Variants in CTSC observed in about 807,000 individuals in gnomAD.
CTSC encodes the protein dipeptidyl peptidase 1.
In CTSC, 37 loss-of-function variants were observed where a neutral mutation model predicts 40.9. That is an observed-to-expected ratio of 0.91 (90% confidence interval 0.70 to 1.19). The LOEUF is 1.19. CTSC is among the 50% of genes most tolerant of loss of function. The pLI, the probability that CTSC is intolerant of heterozygous loss-of-function variation, is 0.00. For missense variants in CTSC, 594 were observed against 567.3 expected, an observed-to-expected ratio of 1.05 and a Z score of -0.48; for synonymous variants, 232 against 207.4, an observed-to-expected ratio of 1.12 and a Z score of -1.02.
At chr11:88,325,202 T>A in intron 2 of CTSC, 1 of 985,054 alleles carries the variant, frequency 1.0e-6, no homozygotes, top group Non-Finnish European at 1.2e-6. Flanking sequence ...TAAATTTGAC[T>A]ATGACACTTA....
chr11:88,318,488 G>A (rs918842152), intron 2 of CTSC, among the ~76,000 whole-genome samples: 12 of 152,192 alleles, frequency 7.9e-5, no homozygotes, highest in Non-Finnish European at 1.6e-4. Context: ...TGCCTTCATA[G>A]AACTTATATT....
intron 2 of CTSC, among the ~76,000 whole-genome samples, chr11:88,331,066 G>C (rs2134820445): frequency 6.6e-6 from 1 of 152,296 alleles, no homozygotes; most frequent in East Asian, 1.9e-4. Context: ...TACTCAACGT[G>C]CTTTTTCCTA....
chr11:88,309,245 C>T lies in CTSC; in HGVS notation c.559G>A (p.Ala187Thr), dbSNP rs759399845. ...GTCTCATATTCCATGTATGTAGTTG[C>T]AGTCCAAGACTTCTGAATGGCATTG... The part of the protein sequence containing the change: ...AINAIQKSWT[A>T]TTYMEYETLT... Residue 187 changes from alanine to threonine, a missense_variant, in exon 4 of 7, where the codon GCA becomes ACA. Ala to Thr is a moderately conservative substitution (Grantham distance 58). Coordinates refer to ENST00000227266, the MANE Select transcript of CTSC (RefSeq NM_001814.6). The T allele has an allele frequency of 3.7e-6, 6 of 1,613,550 alleles. No homozygotes were observed. Among genetic ancestry groups the T allele is most frequent in the Non-Finnish European group, 5.1e-6 (6 of 1,179,482 alleles).
chr11:88,303,857 A>G (rs946121992), intron 4 of CTSC, among the ~76,000 whole-genome samples: 2 of 152,152 alleles, frequency 1.3e-5, no homozygotes, highest in Non-Finnish European at 2.9e-5. Flanking sequence ...AAGATCAGAA[A>G]GGCAGGAGAA....
At chr11:88,331,977 T>C (rs1245394581) in intron 2 of CTSC, among the ~76,000 whole-genome samples, 1 of 152,174 alleles carries the variant, frequency 6.6e-6, no homozygotes, top group African/African-American at 2.4e-5. Flanking sequence ...ACTCTGCATG[T>C]ACCAACTACT....
chr11:88,294,129 C>T lies in CTSC; in HGVS notation c.1269G>A (p.Trp423Ter). The part of the protein sequence containing the change: ...GTDSASGMDY[W>*]IVKNSWGTGW... Reference sequence around the variant, plus strand: ...CGGTGCCCCAGCTGTTTTTAACAATCCAGTAATCCATCCCAGAGGCTGAGT... The same window carrying T: ...CGGTGCCCCAGCTGTTTTTAACAATTCAGTAATCCATCCCAGAGGCTGAGT... Residue 423 changes from tryptophan to a stop codon, truncating the protein, a stop_gained, in exon 7 of 7, where the codon TGG becomes TGA. Coordinates refer to ENST00000227266, the MANE Select transcript of CTSC (RefSeq NM_001814.6). LOFTEE classifies it high-confidence loss of function. The T allele has an allele frequency of 6.2e-7, 1 of 1,613,912 alleles. No homozygotes were observed. The highest frequency in any genetic ancestry group is 8.5e-7 in the Non-Finnish European group (1 of 1,180,004).
chr11:88,320,769 G>GT, intron 2 of CTSC: 1 of 952,308 alleles, frequency 1.1e-6, no homozygotes, highest in Non-Finnish European at 1.3e-6. Context: ...GGACACAAAG[G>GT]TAACACTTCA....
intron 3 of CTSC, among the ~76,000 whole-genome samples, chr11:88,310,062 CG>C (rs1429641637): frequency 6.6e-6 from 1 of 152,030 alleles, no homozygotes; most frequent in African/African-American, 2.4e-5. Flanking sequence ...TATGGACATT[CG>C]GTTTATACTT....
chr11:88,312,330 C>G (rs769481370), intron 3 of CTSC, 58 bp downstream of exon 3: 7 of 1,533,946 alleles, frequency 4.6e-6, no homozygotes, highest in African/African-American at 1.4e-5. Flanking sequence ...AATGTACACA[C>G]ATATTCATAT....
intron 6 of CTSC, among the ~76,000 whole-genome samples, chr11:88,295,511 C>T (rs1401954207): frequency 1.3e-5 from 2 of 151,952 alleles, no homozygotes; most frequent in Non-Finnish European, 2.9e-5. Flanking sequence ...TCCTGAATAG[C>T]TGGGACTACA....
At chr11:88,324,807 G>A in intron 2 of CTSC, 1 of 985,264 alleles carries the variant, frequency 1.0e-6, no homozygotes, top group Non-Finnish European at 1.2e-6. Context: ...GGTCCTGAGT[G>A]ATAAAGAATT....
chr11:88,331,334 A>G (rs1252777774), intron 2 of CTSC, among the ~76,000 whole-genome samples: 2 of 152,190 alleles, frequency 1.3e-5, no homozygotes, highest in Non-Finnish European at 2.9e-5. Flanking sequence ...CTGGCTTCAA[A>G]TTGGGGTTCC....
chr11:88,337,218 TCAAAG>T (rs1291183298), intron 1 of CTSC, among the ~76,000 whole-genome samples: 1 of 152,194 alleles, frequency 6.6e-6, no homozygotes, highest in Non-Finnish European at 1.5e-5. Context: ...CAAGTCTCTC[TCAAAG>T]CAAACAAAAT....
chr11:88,325,899 T>C (rs891381975), intron 2 of CTSC: 2 of 988,778 alleles, frequency 2.0e-6, no homozygotes, highest in African/African-American at 1.7e-5. Flanking sequence ...AAGGGCCTTA[T>C]TTTCTCCTTA....
At chr11:88,334,713 T>C in intron 2 of CTSC, 1 of 507,058 alleles carries the variant, frequency 2.0e-6, no homozygotes, top group Non-Finnish European at 3.5e-6. Context: ...TTAAACATAA[T>C]TTATACATAT....
At position 88,308,492 on chromosome 11, in the gene CTSC, T is replaced by C. The variant is rs78456810; in HGVS notation, c.641+671A>G. Among the ~76,000 whole-genome samples, 30 of 133,910 alleles carry C rather than the reference T, an allele frequency of 2.2e-4. 1 individual carries two copies. The South Asian group carries it at 7.5e-3, about 33-fold the overall frequency. The allele number at this position is 133,910 out of a possible 152,430, so 87.9% of individuals were successfully genotyped here. A position where few individuals can be genotyped will look rare whatever the true frequency, so the allele number is the denominator to read the frequency against. On this transcript the variant is annotated intron_variant, in intron 4 of 6. Transcript: ENST00000227266. ...TATTTATTATTTTATTTTATTTTAT[T>C]TTATCTTACCTTATCTTATTTTATT...
intron 4 of CTSC, among the ~76,000 whole-genome samples, chr11:88,306,718 A>T (rs942763275): frequency 6.6e-6 from 1 of 152,216 alleles, no homozygotes; most frequent in Non-Finnish European, 1.5e-5. Flanking sequence ...CTTCCAGCCC[A>T]CGTGTGATCC....
rs959630782 is a variant in CTSC at position 88,328,159 on chromosome 11, A to G, written c.318+6778T>C. 5.6e-6 allele frequency: 9 copies of G among 1,613,638 alleles called. No homozygotes were observed. In the Admixed American group the frequency reaches 8.3e-5, roughly 15 times the overall value. On this transcript the variant is annotated intron_variant, in intron 2 of 6. Transcript: ENST00000227266. ...CAAATCATATATCCCCACAGTTCCC[A>G]GCTGCATGAACAAATGACTGATAAA... is the stretch of plus-strand genomic sequence containing the variant.
chr11:88,302,218 G>A lies in CTSC; in HGVS notation c.642-1573C>T, dbSNP rs374381620. The stretch of plus-strand genomic sequence containing the variant: ...GTGGTTACCAGATGTTTTTTACTAG[G>A]CTAAAATTTAGTCAATGGCAAAGAT... On this transcript the variant is annotated intron_variant, in intron 4 of 6. Transcript: ENST00000227266. Among the ~76,000 whole-genome samples the A allele has an allele frequency of 1.4e-4, 22 of 152,182 alleles. No individual in the cohort carries two copies. In the East Asian group the frequency reaches 3.1e-3, roughly 21 times the overall value.
Sources: allele counts gnomAD v4.1 joint callset (sites outside exome capture counted in the v4.1 genomes callset), GRCh38; gene constraint gnomAD v4.1.1; transcripts MANE v1.5; gene names NCBI Gene and HGNC (gene_info 2026-07-23, HGNC 2026-07-21).